The following EPC1 variants were observed in gnomAD, a reference collection of about 807,000 sequenced individuals.
EPC1 encodes the protein enhancer of polycomb homolog 1.
Under a neutral mutation model 98.4 loss-of-function variants are expected in EPC1, and 12 were observed. The ratio of observed to expected loss-of-function variants is 0.12; its 90% confidence interval spans 0.08 to 0.20. The LOEUF is 0.20. Among genes scored for constraint, EPC1 ranks in the 10% least tolerant of loss-of-function variants. The pLI is 1.00. For missense variants in EPC1, 729 were observed against 990.5 expected (o/e 0.74, Z 3.54); for synonymous variants, 357 against 363.9 (o/e 0.98, Z 0.21).
In EPC1 at chr10:32,322,704, T is replaced by C. The variant is rs567322015; in HGVS notation, c.154-16773A>G. Reference sequence around the variant, plus strand: ...GTGCATGTTTAAGATGACTCTCAAATACTATAATGTGGCTAGTATGAGAAA... The same window carrying C: ...GTGCATGTTTAAGATGACTCTCAAACACTATAATGTGGCTAGTATGAGAAA... On this transcript the variant is annotated intron_variant, in intron 1 of 13. Transcript: ENST00000319778. Among the ~76,000 whole-genome samples the C allele has an allele frequency of 4.6e-5, 7 of 152,298 alleles. No homozygotes were observed. The South Asian group carries it at 1.5e-3, about 32-fold the overall frequency.
At chr10:32,308,290 G>A (rs1349774671) in intron 1 of EPC1, among the ~76,000 whole-genome samples, 5 of 152,044 alleles carry the variant, frequency 3.3e-5, no homozygotes, top group African/African-American at 7.3e-5. Context: ...TTGAGAGGCC[G>A]AGGCAGGGAG....
At position 32,305,884 on chromosome 10, in the gene EPC1, C is replaced by T. The variant is rs1835848118; in HGVS notation, c.201G>A (p.Glu67=). The T allele has an allele frequency of 6.2e-7, 1 of 1,612,500 alleles. No individual in the cohort carries two copies. The highest frequency in any genetic ancestry group is 1.1e-5 in the South Asian group (1 of 90,770). Residue 67 remains glutamate, a synonymous_variant, in exon 2 of 14, where the codon GAG becomes GAA. Coordinates refer to ENST00000319778, the MANE Select transcript of EPC1 (RefSeq NM_001272004.3). ...CCGGTATAACCATATTATCCCTCTT[C>T]TCGCCATACACCTGCTGTGCTGAAA... ...RAISAQQVYG[E]KRDNMVIPVP...
At chr10:32,323,823 A>C (rs1837088564) in intron 1 of EPC1, among the ~76,000 whole-genome samples, 1 of 152,232 alleles carries the variant, frequency 6.6e-6, no homozygotes, top group Admixed American at 6.5e-5. Context: ...CCTAACTTCA[A>C]ATGTTGCCAT....
At chr10:32,305,503 T>C (rs1203447081) in intron 2 of EPC1, among the ~76,000 whole-genome samples, 1 of 28,484 alleles carries the variant, frequency 3.5e-5, no homozygotes. Flanking sequence ...ATATCTGAGT[T>C]TTTTTTTTTT....
rs1838827543 is a variant in EPC1 at position 32,346,533 on chromosome 10, C to G, written c.153+230G>C. ...TTCGGGCCCCCGAACTCCGCGGGAC[C>G]CGGGTACAAGTGGCCAGGGTCAGCG... On this transcript the variant is annotated intron_variant, in intron 1 of 13. Transcript: ENST00000319778. 4 of 533,282 alleles carry G rather than the reference C, an allele frequency of 7.5e-6. No individual in the cohort carries two copies. In the South Asian group the frequency reaches 8.9e-5, roughly 12 times the overall value. The allele number at this position is 533,282 out of a possible 1,614,324, so 33.0% of individuals were successfully genotyped here.
At chr10:32,298,435 A>G (rs1471644355) in intron 2 of EPC1, among the ~76,000 whole-genome samples, 1 of 152,224 alleles carries the variant, frequency 6.6e-6, no homozygotes, top group East Asian at 1.9e-4. Flanking sequence ...GAAGGAAGGT[A>G]GGAACACTAC....
chr10:32,293,001 A>AT lies in EPC1; in HGVS notation c.652dup (p.Met218AsnfsTer10). 1 of 1,579,532 alleles carries AT rather than the reference A, an allele frequency of 6.3e-7. No individual in the cohort carries two copies. Among genetic ancestry groups the AT allele is most frequent in the Non-Finnish European group, 8.6e-7 (1 of 1,163,604 alleles). ...AAATTCACTTACTTTTCGAGTCTGC[A>AT]TTTTTTCAGTACGCCTTCTAAAAGC... On this transcript the variant is annotated frameshift_variant, in exon 4 of 14. Coordinates refer to ENST00000319778, the MANE Select transcript of EPC1 (RefSeq NM_001272004.3). LOFTEE classifies it high-confidence loss of function.
intron 1 of EPC1, among the ~76,000 whole-genome samples, chr10:32,309,118 A>G (rs998015259): frequency 6.6e-5 from 10 of 152,354 alleles, no homozygotes; most frequent in African/African-American, 1.9e-4. Context: ...TTAAAACAAT[A>G]GAAGGGTACT....
intron 1 of EPC1, among the ~76,000 whole-genome samples, chr10:32,362,625 T>G (rs1296275227): frequency 6.6e-6 from 1 of 152,164 alleles, no homozygotes; most frequent in Non-Finnish European, 1.5e-5. Flanking sequence ...TCTCTTTTCT[T>G]TATAAATTAC....
At chr10:32,324,974 A>T (rs553291072) in intron 1 of EPC1, among the ~76,000 whole-genome samples, 2 of 152,156 alleles carry the variant, frequency 1.3e-5, no homozygotes, top group African/African-American at 2.4e-5. Flanking sequence ...CTCTCCAGCC[A>T]GGGCGACAGA....
chr10:32,358,480 C>T lies in EPC1; in HGVS notation c.3+20011G>A, dbSNP rs1222410957. The stretch of plus-strand genomic sequence containing the variant: ...GCAACATAATGAGACCCCATCTCTA[C>T]AAAAAATACAAAAATTAGCCAGGGT... On this transcript the variant is annotated intron_variant, in intron 1 of 13. Coordinates refer to the EPC1 transcript ENST00000375110. 5.3e-5 allele frequency among the ~76,000 whole-genome samples: 8 copies of T among 151,724 alleles called. No homozygotes were observed. The East Asian group carries it at 1.4e-3, about 26-fold the overall frequency.
chr10:32,313,523 C>T (rs952917509), intron 1 of EPC1, among the ~76,000 whole-genome samples: 12 of 152,328 alleles, frequency 7.9e-5, no homozygotes, highest in African/African-American at 2.6e-4. Context: ...CTGAGACTAT[C>T]GCTTTATCAG....
At chr10:32,277,082 A>G (rs1348459013) in intron 10 of EPC1, among the ~76,000 whole-genome samples, 2 of 152,216 alleles carry the variant, frequency 1.3e-5, no homozygotes, top group Admixed American at 6.5e-5. Context: ...CCCCAAAGCA[A>G]TGAGATTTTA....
chr10:32,284,925 G>C lies in EPC1; in HGVS notation c.1517C>G (p.Ser506Trp). ...QFANTSETNT[S>W]DKSFSKDLSQ... ...GAGGTCTTTAGAGAAAGATTTGTCC[G>C]AGGTATTTGTTTCTGAGGTATTGGC... is the stretch of plus-strand genomic sequence containing the variant. Residue 506 changes from serine to tryptophan, a missense_variant, in exon 10 of 14, where the codon TCG (serine) becomes TGG (tryptophan). Coordinates refer to ENST00000319778, the MANE Select transcript of EPC1 (RefSeq NM_001272004.3). 1.9e-6 allele frequency: 3 copies of C among 1,614,144 alleles called. No individual in the cohort carries two copies. Among genetic ancestry groups the C allele is most frequent in the Non-Finnish European group, 2.5e-6 (3 of 1,180,016 alleles).
At chr10:32,269,486 G>A (rs1314225329) in intron 13 of EPC1, 3 of 231,938 alleles carry the variant, frequency 1.3e-5, no homozygotes, top group Non-Finnish European at 2.6e-5. Context: ...AAACATAACT[G>A]AGATTTGTGT....
chr10:32,274,746 G>A (rs1247535040), intron 10 of EPC1, among the ~76,000 whole-genome samples: 2 of 152,056 alleles, frequency 1.3e-5, no homozygotes, highest in South Asian at 2.1e-4. Context: ...ATAATAGAAT[G>A]CTCCCTAAAT....
At position 32,286,739 on chromosome 10, in the gene EPC1, T is replaced by A. The variant is rs748852476; in HGVS notation, c.1346A>T (p.Gln449Leu). The A allele has an allele frequency of 6.2e-7, 1 of 1,614,018 alleles. No individual in the cohort carries two copies. The change falls in exon 9 of 14, where the codon CAA (glutamine) becomes CTA (leucine). Residue 449 changes from glutamine (Q) to leucine (L), a missense_variant. Coordinates refer to ENST00000319778, the MANE Select transcript of EPC1 (RefSeq NM_001272004.3). ...RYCLTTLTVPQRCIGFARRRV... is the reference protein window; with the variant it reads ...RYCLTTLTVPLRCIGFARRRV... ...TCTTCGTGCAAATCCAATACACCTTTGGGGTACGGTGAGAGTAGTTAAGCA... is the reference window on the plus strand; with the variant it reads ...TCTTCGTGCAAATCCAATACACCTTAGGGGTACGGTGAGAGTAGTTAAGCA...
At chr10:32,333,890 G>A (rs950186416) in intron 1 of EPC1, among the ~76,000 whole-genome samples, 1 of 152,174 alleles carries the variant, frequency 6.6e-6, no homozygotes, top group African/African-American at 2.4e-5. Flanking sequence ...GATGCACAAA[G>A]TTTTAAAAAA....
intron 1 of EPC1, among the ~76,000 whole-genome samples, chr10:32,353,258 T>C (rs1403818091): frequency 6.6e-6 from 1 of 151,558 alleles, no homozygotes; most frequent in Non-Finnish European, 1.5e-5. Context: ...GAAAGAGATG[T>C]TTAAGAGGGT....
Sources: gnomAD v4.1 joint callset for allele counts (sites outside exome capture counted in the v4.1 genomes callset) on GRCh38, gnomAD v4.1.1 for gene constraint, MANE v1.5 for transcripts, NCBI Gene and HGNC (gene_info 2026-07-23, HGNC 2026-07-21) for gene names.